The following YES1 variants were observed in gnomAD, a reference collection of about 807,000 sequenced individuals.
YES1 encodes YES proto-oncogene 1, Src family tyrosine kinase.
Under a neutral mutation model 70.4 loss-of-function variants are expected in YES1, and 39 were observed. The ratio of observed to expected loss-of-function variants is 0.55; its 90% CI spans 0.43 to 0.72. The LOEUF (loss-of-function observed/expected upper bound fraction) is 0.72. Among genes scored for constraint, YES1 ranks in the 30% least tolerant of loss-of-function variants. The pLI is 0.00. For synonymous variants in YES1, 198 were observed against 218.6 expected (o/e 0.91, Z 0.83); for missense variants, 495 against 644.8 (o/e 0.77, Z 2.52).
At chr18:763,394 T>C (rs1372792493) in intron 1 of YES1, among the ~76,000 whole-genome samples, 3 of 151,980 alleles carry the variant, frequency 2.0e-5, no homozygotes. Flanking sequence ...AACTGACCCA[T>C]GTGAGAAAAG....
chr18:769,283 A>G (rs1052744492), intron 1 of YES1, among the ~76,000 whole-genome samples: 2 of 152,184 alleles, frequency 1.3e-5, no homozygotes, highest in African/African-American at 4.8e-5. Flanking sequence ...ATATTTGTAT[A>G]TTACGTTCTT....
At chr18:777,092 G>A (rs1905422354) in intron 1 of YES1, among the ~76,000 whole-genome samples, 2 of 152,126 alleles carry the variant, frequency 1.3e-5, no homozygotes, top group Admixed American at 1.3e-4. Flanking sequence ...GAGGCAGCAG[G>A]ATGTGCAAAA....
chr18:757,408 C>T (rs1299279595), intron 1 of YES1, among the ~76,000 whole-genome samples: 4 of 150,530 alleles, frequency 2.7e-5, no homozygotes, highest in Non-Finnish European at 5.9e-5. Context: ...GAGGCTGAGG[C>T]AGGAGAATGG....
intron 1 of YES1, among the ~76,000 whole-genome samples, chr18:779,948 A>C (rs142345780): frequency 6.6e-6 from 1 of 151,746 alleles, no homozygotes; most frequent in African/African-American, 2.4e-5. Flanking sequence ...AGAGAGACTA[A>C]AGAGGCTGGG....
Position 724,541 on chromosome 18 carries a change from C to A in YES1, c.1515G>T (p.Met505Ile). 1 of 1,614,154 alleles carries A rather than the reference C, an allele frequency of 6.2e-7. No homozygotes were observed. Among genetic ancestry groups the A allele is most frequent in the East Asian group, 2.2e-5 (1 of 44,874 alleles). The change falls in exon 12 of 12, where the codon ATG (methionine) becomes ATT (isoleucine). Residue 505 changes from methionine to isoleucine, a missense_variant. Physicochemically the swap from Met to Ile is conservative, Grantham distance 10. Coordinates refer to ENST00000314574, the MANE Select transcript of YES1 (RefSeq NM_005433.4). ...CAGGGTCCTTCTTCCAACACAGATT[C>A]ATCAATTCATGGAGGGATTCTGGAC... ...QGCPESLHEL[M>I]NLCWKKDPDE...
In YES1 at chr18:722,039, TGTTATTATATAAGGAACTGC is replaced by T. The variant is rs897790448; in HGVS notation, c.*2365_*2384del. ...TAGTGTTTTATCCCTACTATACAATTGTTATTATATAAGGAACTGCTCCATTCAGTTAAAACCTAATGAAT... is the reference window on the plus strand; with the variant it reads ...TAGTGTTTTATCCCTACTATACAATTTCCATTCAGTTAAAACCTAATGAAT... On this transcript the variant is annotated 3_prime_UTR_variant, in exon 12 of 12. Transcript: ENST00000314574. The T allele has an allele frequency of 9.8e-5, 15 of 152,766 alleles. No homozygotes were observed. Among genetic ancestry groups the T allele is most frequent in the African/African-American group, 2.9e-4 (12 of 41,578 alleles). The allele number at this position is 152,766 out of a possible 1,614,324, so 9.5% of individuals were successfully genotyped here.
chr18:762,870 A>C (rs989070282), intron 1 of YES1, among the ~76,000 whole-genome samples: 1 of 152,202 alleles, frequency 6.6e-6, no homozygotes, highest in Admixed American at 6.5e-5. Context: ...CAAATACAAC[A>C]CTGTACAATG....
At chr18:753,204 A>G (rs1295426639) in intron 2 of YES1, among the ~76,000 whole-genome samples, 1 of 152,196 alleles carries the variant, frequency 6.6e-6, no homozygotes, top group Non-Finnish European at 1.5e-5. Context: ...GTATATATTT[A>G]TTGCATACAA....
intron 1 of YES1, among the ~76,000 whole-genome samples, chr18:806,065 T>C (rs545442479): frequency 1.3e-5 from 2 of 152,348 alleles, no homozygotes; most frequent in South Asian, 4.1e-4. Context: ...CTATGAATTA[T>C]GCATTCCTTC....
At chr18:790,269 G>C (rs547183103) in intron 1 of YES1, among the ~76,000 whole-genome samples, 63 of 151,448 alleles carry the variant, frequency 4.2e-4, no homozygotes, top group Non-Finnish European at 6.9e-4. Flanking sequence ...CCAGCTACTT[G>C]GGAGGCTGAG....
chr18:727,392 T>A (rs1053894814), intron 11 of YES1, among the ~76,000 whole-genome samples: 2 of 152,204 alleles, frequency 1.3e-5, no homozygotes, highest in Non-Finnish European at 2.9e-5. Context: ...TATTTGTGTA[T>A]GTGTTTAAAA....
At chr18:808,020 C>G (rs1907186679) in intron 1 of YES1, among the ~76,000 whole-genome samples, 1 of 152,182 alleles carries the variant, frequency 6.6e-6, no homozygotes, top group South Asian at 2.1e-4. Flanking sequence ...GGAGTTGAGG[C>G]ACAGAGGCTT....
At chr18:751,609 C>A in intron 3 of YES1, 96 bp downstream of exon 3, 1 of 816,064 alleles carries the variant, frequency 1.2e-6, no homozygotes, top group Non-Finnish European at 2.0e-6. Flanking sequence ...CATGCCCTAC[C>A]TCTCTCATCT....
At chr18:793,026 A>AATT (rs201802922) in intron 1 of YES1, among the ~76,000 whole-genome samples, 1,800 of 150,740 alleles carry the variant, frequency 0.012, 30 homozygotes, top group Admixed American at 0.044. Context: ...GGTTCATTAT[A>AATT]ATTATTATTA....
intron 1 of YES1, among the ~76,000 whole-genome samples, chr18:762,830 T>G (rs1326215878): frequency 1.3e-5 from 2 of 152,208 alleles, no homozygotes; most frequent in African/African-American, 2.4e-5. Context: ...AAATGGTCCC[T>G]TTTCATTAAA....
chr18:776,610 T>C (rs1242939037), intron 1 of YES1, among the ~76,000 whole-genome samples: 1 of 152,148 alleles, frequency 6.6e-6, no homozygotes, highest in African/African-American at 2.4e-5. Context: ...TACTCCTGTA[T>C]CCCCAGAACC....
At chr18:778,572 T>C (rs946878078) in intron 1 of YES1, among the ~76,000 whole-genome samples, 4 of 152,226 alleles carry the variant, frequency 2.6e-5, no homozygotes, top group Non-Finnish European at 5.9e-5. Context: ...TCTATCTAGT[T>C]TGGAAGGAAT....
chr18:747,821 G>T, intron 4 of YES1, 99 bp downstream of exon 4: 1 of 1,016,902 alleles, frequency 9.8e-7, no homozygotes, highest in Non-Finnish European at 1.5e-6. Context: ...ATTAAGACTG[G>T]TATATAATTC....
intron 1 of YES1, among the ~76,000 whole-genome samples, chr18:791,735 T>C (rs1298939046): frequency 6.6e-6 from 1 of 152,228 alleles, no homozygotes; most frequent in African/African-American, 2.4e-5. Flanking sequence ...TGAATTATTC[T>C]ACATTCTTTT....
Sources: allele counts gnomAD v4.1 joint callset (sites outside exome capture counted in the v4.1 genomes callset), GRCh38; gene constraint gnomAD v4.1.1; transcripts MANE v1.5; gene names NCBI Gene and HGNC (gene_info 2026-07-23, HGNC 2026-07-21).